The following CFAP20DC variants were observed in gnomAD, a reference collection of about 807,000 sequenced individuals.
CFAP20DC encodes protein CFAP20DC.
Under a neutral mutation model 101.7 loss-of-function variants are expected in CFAP20DC, and 84 were observed. The ratio of observed to expected loss-of-function variants is 0.83; its 90% CI spans 0.69 to 0.99. The LOEUF (loss-of-function observed/expected upper bound fraction) is 0.99, where lower values mean the gene tolerates loss of function less well. CFAP20DC is among the 50% of genes least tolerant of loss of function. The probability of loss-of-function intolerance (pLI) is 0.00; values close to 1 mark genes in which losing one functional copy is unlikely to be tolerated. For synonymous variants in CFAP20DC, 359 were observed against 351.2 expected (o/e 1.02, Z -0.25); for missense variants, 1,007 against 970.3 (o/e 1.04, Z -0.50).
chr3:58,978,619 G>C (rs2092385114), intron 4 of CFAP20DC, among the ~76,000 whole-genome samples: 2 of 150,670 alleles, frequency 1.3e-5, no homozygotes, highest in Admixed American at 6.6e-5. Context: ...TGAGGCATGA[G>C]AATTGCTTGA....
intron 6 of CFAP20DC, among the ~76,000 whole-genome samples, chr3:58,900,657 G>A (rs1246302115): frequency 1.3e-5 from 2 of 152,200 alleles, no homozygotes; most frequent in Non-Finnish European, 2.9e-5. Context: ...AGTTGAGAAT[G>A]GCTAAATGGC....
intron 14 of CFAP20DC, among the ~76,000 whole-genome samples, chr3:58,807,487 C>G (rs543024933): frequency 1.8e-4 from 28 of 152,236 alleles, no homozygotes; most frequent in Non-Finnish European, 3.5e-4. Context: ...CAAACTCCAA[C>G]AGACCTGCAG....
At chr3:58,754,291 TG>T (rs2068773169) in intron 15 of CFAP20DC, among the ~76,000 whole-genome samples, 1 of 152,174 alleles carries the variant, frequency 6.6e-6, no homozygotes, top group African/African-American at 2.4e-5. Context: ...AAGTCAGTCT[TG>T]GAGCTGCCAT....
At chr3:58,995,128 G>A (rs2093072044) in intron 4 of CFAP20DC, among the ~76,000 whole-genome samples, 2 of 152,106 alleles carry the variant, frequency 1.3e-5, no homozygotes, top group African/African-American at 4.8e-5. Flanking sequence ...ATGACAGAGG[G>A]TTACCACCTT....
intron 14 of CFAP20DC, among the ~76,000 whole-genome samples, chr3:58,818,584 G>C (rs1414090791): frequency 8.7e-5 from 13 of 148,638 alleles, no homozygotes; most frequent in African/African-American, 3.2e-4. Context: ...TCAACAAGAA[G>C]AGCTAACTAA....
chr3:58,815,960 C>G (rs1328970925), intron 14 of CFAP20DC, among the ~76,000 whole-genome samples: 1 of 151,612 alleles, frequency 6.6e-6, no homozygotes, highest in Non-Finnish European at 1.5e-5. Flanking sequence ...GGCGACTCCT[C>G]AGGGATCTAG....
chr3:58,795,703 A>C lies in CFAP20DC; in HGVS notation c.2237+10692T>G, dbSNP rs1333088559. On this transcript the variant is annotated intron_variant, in intron 15 of 16. Coordinates refer to ENST00000482387, the MANE Select transcript of CFAP20DC (RefSeq NM_001394063.1). This position sits in a 1 kb window ranked among gnomAD's most constrained non-coding sequence, Gnocchi z 4.2. The stretch of plus-strand genomic sequence containing the variant: ...AGGTATCTGTCTTTTCAGACACAGA[A>C]GCCTTTGGGAGGTGAGGGGAGAAGA... 6.6e-6 allele frequency among the ~76,000 whole-genome samples: 1 copy of C among 152,190 alleles called. No individual in the cohort carries two copies. Among genetic ancestry groups the C allele is most frequent in the Non-Finnish European group, 1.5e-5 (1 of 68,032 alleles).
At chr3:58,877,510 A>G (rs943174696) in intron 7 of CFAP20DC, among the ~76,000 whole-genome samples, 1 of 152,184 alleles carries the variant, frequency 6.6e-6, no homozygotes, top group Non-Finnish European at 1.5e-5. Flanking sequence ...GCAATTTCCA[A>G]TCACCTGTGT....
At chr3:58,904,633 A>G (rs2083436092) in intron 6 of CFAP20DC, among the ~76,000 whole-genome samples, 1 of 152,232 alleles carries the variant, frequency 6.6e-6, no homozygotes. Context: ...AATAAATACT[A>G]AAACCACAAA....
At chr3:58,904,405 C>T (rs1011462724) in intron 6 of CFAP20DC, among the ~76,000 whole-genome samples, 22 of 152,054 alleles carry the variant, frequency 1.4e-4, no homozygotes, top group Non-Finnish European at 2.5e-4. Flanking sequence ...CTATTGGCTG[C>T]TGGGCACCTC....
At chr3:59,018,023 T>C (rs574801927) in intron 4 of CFAP20DC, 2 of 152,206 alleles carry the variant, frequency 1.3e-5, no homozygotes, top group East Asian at 3.9e-4. Flanking sequence ...AAGAATAATG[T>C]GGCTAAATAA....
At chr3:58,995,527 A>G (rs1161276872) in intron 4 of CFAP20DC, among the ~76,000 whole-genome samples, 1 of 148,710 alleles carries the variant, frequency 6.7e-6, no homozygotes, top group Non-Finnish European at 1.5e-5. Context: ...TCATCCTTAT[A>G]TAAGGCTGCA....
intron 5 of CFAP20DC, among the ~76,000 whole-genome samples, chr3:58,931,881 A>C (rs2086747542): frequency 6.6e-6 from 1 of 152,234 alleles, no homozygotes; most frequent in Non-Finnish European, 1.5e-5. Context: ...CCTCCTCCAA[A>C]GGAACGCAGT....
chr3:58,932,844 G>A (rs1202970718), intron 5 of CFAP20DC, among the ~76,000 whole-genome samples: 8 of 152,130 alleles, frequency 5.3e-5, no homozygotes, highest in Admixed American at 2.6e-4. Context: ...GACCATCGAG[G>A]CTAGGAAGAA....
At chr3:58,783,307 G>C (rs868693210) in intron 15 of CFAP20DC, among the ~76,000 whole-genome samples, 4 of 151,732 alleles carry the variant, frequency 2.6e-5, no homozygotes, top group South Asian at 2.1e-4. Flanking sequence ...TTAAATCTAA[G>C]ACCTGAAAAC....
intron 14 of CFAP20DC, among the ~76,000 whole-genome samples, chr3:58,820,241 G>T (rs1264378488): frequency 2.0e-5 from 3 of 149,800 alleles, no homozygotes; most frequent in African/African-American, 7.3e-5. Context: ...ACAAGACAGG[G>T]ATGCCCTCTC....
intron 4 of CFAP20DC, among the ~76,000 whole-genome samples, chr3:58,975,593 C>T (rs1300628158): frequency 6.6e-6 from 1 of 152,100 alleles, no homozygotes; most frequent in Non-Finnish European, 1.5e-5. Context: ...TAAAAATTTG[C>T]ATTGATAAAT....
At chr3:58,870,100 T>C in intron 8 of CFAP20DC, 73 bp downstream of exon 8, 6 of 499,712 alleles carry the variant, frequency 1.2e-5, no homozygotes, top group Admixed American at 2.0e-5. Context: ...CCTCCCTCCC[T>C]CTACAAGGGG....
At chr3:59,018,816 T>C (rs1289021999) in intron 4 of CFAP20DC, 1 of 152,118 alleles carries the variant, frequency 6.6e-6, no homozygotes, top group Non-Finnish European at 1.5e-5. Context: ...TTGAAAATTG[T>C]ACTGTGGTCA....
Sources: gnomAD v4.1 joint callset for allele counts (sites outside exome capture counted in the v4.1 genomes callset) on GRCh38, gnomAD v4.1.1 for gene constraint, Gnocchi (gnomAD v3.1) non-coding constraint, MANE v1.5 for transcripts, NCBI Gene and HGNC (gene_info 2026-07-23, HGNC 2026-07-21) for gene names.